The following F8 variants were observed in gnomAD, a reference collection of about 807,000 sequenced individuals.
F8 encodes the protein coagulation factor VIII.
Under a neutral mutation model 140.6 loss-of-function variants are expected in F8, and 12 were observed. That is an observed-to-expected ratio of 0.09 (90% confidence interval 0.05 to 0.14). The LOEUF is 0.14. F8 is among the 10% of genes least tolerant of loss of function. F8 has a pLI of 1.00. For synonymous variants in F8, 585 were observed against 614.6 expected, an observed-to-expected ratio of 0.95 and a Z score of 0.71; for missense variants, 1,354 against 1,720.7, an observed-to-expected ratio of 0.79 and a Z score of 3.77.
chrX:155,004,564 C>T (rs1230996011), intron 1 of F8, among the ~76,000 whole-genome samples: 1 of 111,855 alleles, frequency 8.9e-6, no homozygotes, highest in Non-Finnish European at 1.9e-5. Flanking sequence ...ACATCATGGA[C>T]TCATCAATAC....
intron 1 of F8, among the ~76,000 whole-genome samples, chrX:155,020,061 A>G (rs781915386): frequency 8.9e-6 from 1 of 111,954 alleles, no homozygotes; most frequent in East Asian, 2.8e-4. Context: ...GTGGAAGAAT[A>G]AAGTGTCTAA....
At chrX:154,894,016 C>G (rs1557275435) in intron 22 of F8, among the ~76,000 whole-genome samples, 1 of 111,771 alleles carries the variant, frequency 8.9e-6, no homozygotes, top group Non-Finnish European at 1.9e-5. Context: ...CCTGAACATT[C>G]CCTTTCTATC....
rs782273756 is a variant in F8 at position 154,837,171 on chromosome X, C to T, written c.*426G>A. The T allele has an allele frequency of 6.0e-4, 104 of 173,289 alleles. No homozygotes were observed. The highest frequency in any genetic ancestry group is 8.2e-4 in the Non-Finnish European group (75 of 91,158). 14.3% of individuals were successfully genotyped at this position (173,289 alleles called of 1,213,427 possible). On this transcript the variant is annotated 3_prime_UTR_variant, in exon 26 of 26. Coordinates refer to ENST00000360256, the MANE Select transcript of F8 (RefSeq NM_000132.4). ...TTCCATGCTTGATCAGGATAATAAA[C>T]AACTGAGAGTTTTATTTTAAACGTA...
chrX:154,947,911 C>A lies in F8; in HGVS notation c.1904-4G>T. Reference sequence around the variant, plus strand: ...TCAAAAACATAGCCATTGATGCCTGCAAAAACAATGGGGAAAAGAGATTTA... The same window carrying A: ...TCAAAAACATAGCCATTGATGCCTGAAAAAACAATGGGGAAAAGAGATTTA... On this transcript the variant is annotated splice_region_variant and splice_polypyrimidine_tract_variant and intron_variant, in intron 12 of 25. Coordinates refer to ENST00000360256, the MANE Select transcript of F8 (RefSeq NM_000132.4). 1 of 1,194,012 alleles carries A rather than the reference C, an allele frequency of 8.4e-7. No homozygotes were observed. Among genetic ancestry groups the A allele is most frequent in the African/African-American group, 1.7e-5 (1 of 57,406 alleles).
rs148180265 is a variant in F8, at chrX:154,902,663, G to A, written c.5999-496C>T. ...CCAGAGTAAAGGTGGAAGAAATCAT[G>A]TCAAGGGGATTTCATGACAGTCACG... On this transcript the variant is annotated intron_variant, in intron 18 of 25. Coordinates refer to ENST00000360256, the MANE Select transcript of F8 (RefSeq NM_000132.4). 1.0e-3 allele frequency among the ~76,000 whole-genome samples: 115 copies of A among 111,719 alleles called. 1 individual carries two copies. The highest frequency in any genetic ancestry group is 3.7e-3 in the African/African-American group (114 of 30,785).
At chrX:154,842,470 C>A (rs927406544) in intron 25 of F8, among the ~76,000 whole-genome samples, 1 of 111,921 alleles carries the variant, frequency 8.9e-6, no homozygotes, top group African/African-American at 3.2e-5. Flanking sequence ...ATGTTTTTAA[C>A]GCTATACATT....
chrX:154,874,953 G>T (rs1381821425), intron 22 of F8, among the ~76,000 whole-genome samples: 1 of 112,078 alleles, frequency 8.9e-6, no homozygotes, highest in Non-Finnish European at 1.9e-5. Context: ...ACCTAAGTGT[G>T]TCCATTGATG....
intron 4 of F8, among the ~76,000 whole-genome samples, chrX:154,988,181 GTTGT>G (rs367737759): frequency 2.9e-4 from 33 of 112,093 alleles, no homozygotes; most frequent in African/African-American, 1.0e-3. Flanking sequence ...ACTCAATTGA[GTTGT>G]TTGTTCTCTG....
intron 22 of F8, among the ~76,000 whole-genome samples, chrX:154,863,859 G>A (rs1240972196): frequency 9.0e-6 from 1 of 111,331 alleles, no homozygotes; most frequent in Non-Finnish European, 1.9e-5. Context: ...AGAGTTGTTT[G>A]TATGTGGTCC....
chrX:154,900,811 A>T (rs1233360525), intron 20 of F8, among the ~76,000 whole-genome samples: 2 of 112,226 alleles, frequency 1.8e-5, no homozygotes, highest in East Asian at 5.5e-4. Context: ...CTGCTGCTGT[A>T]GCCATAGATG....
At chrX:154,908,297 C>T (rs2073048360) in intron 14 of F8, among the ~76,000 whole-genome samples, 1 of 112,023 alleles carries the variant, frequency 8.9e-6, no homozygotes, top group African/African-American at 3.2e-5. Flanking sequence ...TTTCATTTAC[C>T]TGTTTGATTA....
At chrX:154,861,187 T>A (rs895689056) in intron 24 of F8, among the ~76,000 whole-genome samples, 4 of 110,434 alleles carry the variant, frequency 3.6e-5, no homozygotes, top group Admixed American at 9.6e-5. Flanking sequence ...AAAAGAGTGA[T>A]CTAGAACTCC....
rs2073315971 is a variant in F8 at position 154,947,975 on chromosome X, A to G, written c.1904-68T>C. On this transcript the variant is annotated intron_variant, in intron 12 of 25. Coordinates refer to ENST00000360256, the MANE Select transcript of F8 (RefSeq NM_000132.4). ...TTTAGTATTTTGGATTGTGATTGTC[A>G]TGATACAATTAGGAATTATTATATG... 11 of 828,929 alleles carry G rather than the reference A, an allele frequency of 1.3e-5. No individual in the cohort carries two copies. The South Asian group carries it at 1.9e-4, about 14-fold the overall frequency. 68.3% of individuals were successfully genotyped at this position (828,929 alleles called of 1,213,427 possible).
rs1454633092 is a variant in F8, at chrX:154,837,424, C to A, written c.*173G>T. On this transcript the variant is annotated 3_prime_UTR_variant, in exon 26 of 26. Coordinates refer to ENST00000360256, the MANE Select transcript of F8 (RefSeq NM_000132.4). ...AAGAGTTAAGTTAAATTGGATGCACCCTCCTGGCCCCCCACCAAAGAAATG... is the reference window on the plus strand; with the variant it reads ...AAGAGTTAAGTTAAATTGGATGCACACTCCTGGCCCCCCACCAAAGAAATG... 5 of 502,682 alleles carry A rather than the reference C, an allele frequency of 9.9e-6. No homozygotes were observed. Among genetic ancestry groups the A allele is most frequent in the Admixed American group, 7.4e-5 (2 of 26,919 alleles). The allele number at this position is 502,682 out of a possible 1,213,427, so 41.4% of individuals were successfully genotyped here.
intron 3 of F8, among the ~76,000 whole-genome samples, chrX:154,996,231 A>G (rs900224697): frequency 1.8e-5 from 2 of 111,514 alleles, no homozygotes; most frequent in Non-Finnish European, 3.8e-5. Flanking sequence ...ATACAGCTAC[A>G]TGTTTAGGGT....
chrX:154,958,697 T>C (rs1329505389), intron 10 of F8, among the ~76,000 whole-genome samples: 1 of 111,899 alleles, frequency 8.9e-6, no homozygotes, highest in Non-Finnish European at 1.9e-5. Flanking sequence ...CACTGCAACC[T>C]TCACCTCCCA....
At chrX:154,919,243 A>G (rs1298763366) in intron 14 of F8, 1 of 112,538 alleles carries the variant, frequency 8.9e-6, no homozygotes, top group African/African-American at 3.3e-5. Context: ...ATTTATCCAC[A>G]TATTTAACTT....
At chrX:154,979,461 CTGG>C (rs2073505466) in intron 6 of F8, among the ~76,000 whole-genome samples, 1 of 111,042 alleles carries the variant, frequency 9.0e-6, no homozygotes, top group Non-Finnish European at 1.9e-5. Flanking sequence ...GTGTGAGGTG[CTGG>C]TTGTGCTATG....
chrX:154,985,693 C>T (rs1414073190), intron 5 of F8, among the ~76,000 whole-genome samples: 17 of 112,084 alleles, frequency 1.5e-4, no homozygotes, highest in Non-Finnish European at 9.4e-5. Flanking sequence ...TTCATTTGTT[C>T]ATTCATTCAA....
Sources: gnomAD v4.1 joint callset for allele counts (sites outside exome capture counted in the v4.1 genomes callset) on GRCh38, gnomAD v4.1.1 for gene constraint, MANE v1.5 for transcripts, NCBI Gene and HGNC (gene_info 2026-07-23, HGNC 2026-07-21) for gene names.